FBXO40: variants seen among roughly 807,000 people sequenced by gnomAD.
FBXO40 encodes F-box protein 40, also known as F-box only protein 40.
In FBXO40, 50 loss-of-function variants were observed where a neutral mutation model predicts 49.9. The observed-to-expected ratio is 1.00, with a 90% CI of 0.80 to 1.27. The LOEUF (loss-of-function observed/expected upper bound fraction) is 1.27. Ranked by LOEUF, FBXO40 falls within the 50% of genes most tolerant of loss-of-function variation. The pLI is 0.00. For synonymous variants in FBXO40, 340 were observed against 320.2 expected (o/e 1.06, Z -0.66); for missense variants, 895 against 870.1 (o/e 1.03, Z -0.36).
At chr3:121,595,446 G>T (rs1279893312) in intron 1 of FBXO40, among the ~76,000 whole-genome samples, 1 of 152,176 alleles carries the variant, frequency 6.6e-6, no homozygotes, top group African/African-American at 2.4e-5. Flanking sequence ...CAATGCAACT[G>T]TAATTTAATA....
rs993430489 is a variant in FBXO40 at position 121,627,249 on chromosome 3, G to A, written c.*339G>A. The A allele has an allele frequency of 3.7e-5, 12 of 322,266 alleles. No homozygotes were observed. The highest frequency in any genetic ancestry group is 7.5e-5 in the East Asian group (1 of 13,378). 20.0% of individuals were successfully genotyped at this position (322,266 alleles called of 1,614,324 possible). ...AATTTCTTAAGTGATGAGAGAGCAC[G>A]AAATTCCATAACCAGTACAGGCCTG... On this transcript the variant is annotated 3_prime_UTR_variant, in exon 4 of 4. Transcript: ENST00000338040.
intron 1 of FBXO40, among the ~76,000 whole-genome samples, chr3:121,616,094 C>G (rs143632766): frequency 0.014 from 2,108 of 152,288 alleles, 24 homozygotes; most frequent in Non-Finnish European, 0.022. Context: ...CTCAGCCACC[C>G]TGCTCTGTTC....
chr3:121,620,241 G>A (rs1204804091), intron 1 of FBXO40, among the ~76,000 whole-genome samples: 1 of 152,196 alleles, frequency 6.6e-6, no homozygotes, highest in East Asian at 1.9e-4. Context: ...GTTATAGGAA[G>A]CAGAAGTTAA....
chr3:121,596,236 C>A (rs1337907997), intron 1 of FBXO40, among the ~76,000 whole-genome samples: 1 of 152,190 alleles, frequency 6.6e-6, no homozygotes, highest in Non-Finnish European at 1.5e-5. Flanking sequence ...CATGCCTTGG[C>A]TGTCACCACT....
intron 1 of FBXO40, among the ~76,000 whole-genome samples, chr3:121,597,222 CAA>C (rs2048877119): frequency 1.3e-5 from 2 of 152,004 alleles, no homozygotes; most frequent in South Asian, 2.1e-4. Flanking sequence ...TGCAGATGAG[CAA>C]AAAAATTTAC....
intron 1 of FBXO40, among the ~76,000 whole-genome samples, chr3:121,619,310 A>G (rs538697663): frequency 3.3e-5 from 5 of 152,174 alleles, no homozygotes; most frequent in Non-Finnish European, 7.4e-5. Flanking sequence ...CGCCTGGCCA[A>G]ATTTTAAACT....
In FBXO40 at chr3:121,627,091, G is replaced by A. The variant is rs1277674362; in HGVS notation, c.*181G>A. The A allele has an allele frequency of 1.7e-6, 1 of 600,602 alleles. No homozygotes were observed. The highest frequency in any genetic ancestry group is 1.9e-5 in the African/African-American group (1 of 53,868). 37.2% of individuals were successfully genotyped at this position (600,602 alleles called of 1,614,324 possible). A position where few individuals can be genotyped will look rare whatever the true frequency, so the allele number is the denominator to read the frequency against. On this transcript the variant is annotated 3_prime_UTR_variant, in exon 4 of 4. Coordinates refer to ENST00000338040, the MANE Select transcript of FBXO40 (RefSeq NM_016298.4). ...GAGGCCTAAGAATTTCCTAAGCCAT[G>A]TCTTGTACCATAGTGCCACATTGAT...
Position 121,621,807 on chromosome 3 carries a change from C to T in FBXO40, c.378C>T (p.Asp126=). Reference sequence around the variant, plus strand: ...AGACCCCCAGTGAGGAGTGTTTGGACACAGCCCTGGCCCTGCAGGATCAGA... The same window carrying T: ...AGACCCCCAGTGAGGAGTGTTTGGATACAGCCCTGGCCCTGCAGGATCAGA... ...MKETPSEECL[D]TALALQDQKV... Residue 126 remains aspartate (D), a synonymous_variant, in exon 3 of 4, where the codon GAC becomes GAT. Coordinates refer to ENST00000338040, the MANE Select transcript of FBXO40 (RefSeq NM_016298.4). 6 of 1,614,200 alleles carry T rather than the reference C, an allele frequency of 3.7e-6. No homozygotes were observed. The highest frequency in any genetic ancestry group is 5.1e-6 in the Non-Finnish European group (6 of 1,180,030).
rs370071773 is a variant in FBXO40 at position 121,610,856 on chromosome 3, G to T, written c.-30-9690G>T. On this transcript the variant is annotated intron_variant, in intron 1 of 3. Coordinates refer to ENST00000338040, the MANE Select transcript of FBXO40 (RefSeq NM_016298.4). Reference sequence around the variant, plus strand: ...GGGTTTCACCACATTGTCCAGGCTGGTCTCAAACTCCTGACCTCAAGTGAT... The same window carrying T: ...GGGTTTCACCACATTGTCCAGGCTGTTCTCAAACTCCTGACCTCAAGTGAT... 2.6e-5 allele frequency among the ~76,000 whole-genome samples: 4 copies of T among 152,204 alleles called. No homozygotes were observed. In the East Asian group the frequency reaches 7.7e-4, roughly 29 times the overall value.
chr3:121,612,789 G>T (rs2048974134), intron 1 of FBXO40, among the ~76,000 whole-genome samples: 1 of 152,060 alleles, frequency 6.6e-6, no homozygotes, highest in South Asian at 2.1e-4. Context: ...AAATTTCTCA[G>T]CCGGGCGCGG....
intron 1 of FBXO40, among the ~76,000 whole-genome samples, chr3:121,603,165 A>C (rs971443879): frequency 2.6e-5 from 4 of 152,202 alleles, no homozygotes; most frequent in Non-Finnish European, 5.9e-5. Flanking sequence ...TTTTACCCTG[A>C]TGTCTTAATT....
At chr3:121,605,900 A>C (rs906346812) in intron 1 of FBXO40, among the ~76,000 whole-genome samples, 1 of 152,234 alleles carries the variant, frequency 6.6e-6, no homozygotes, top group African/African-American at 2.4e-5. Context: ...GAGAAGGGCA[A>C]TAGCTCACAA....
chr3:121,616,756 A>G (rs1272731766), intron 1 of FBXO40, among the ~76,000 whole-genome samples: 2 of 152,248 alleles, frequency 1.3e-5, no homozygotes, highest in Non-Finnish European at 2.9e-5. Flanking sequence ...GAACCAGACT[A>G]TAATTTCCTT....
chr3:121,600,708 G>A (rs954249009), intron 1 of FBXO40, among the ~76,000 whole-genome samples: 1 of 152,202 alleles, frequency 6.6e-6, no homozygotes, highest in African/African-American at 2.4e-5. Flanking sequence ...ACAGGCCTAG[G>A]CCTCTTTGTG....
At chr3:121,603,663 T>C (rs920970670) in intron 1 of FBXO40, among the ~76,000 whole-genome samples, 7 of 152,212 alleles carry the variant, frequency 4.6e-5, no homozygotes, top group African/African-American at 9.6e-5. Flanking sequence ...GGTGCCTCAC[T>C]ATTCACTGAA....
At chr3:121,612,986 C>A (rs1289116973) in intron 1 of FBXO40, among the ~76,000 whole-genome samples, 3 of 150,220 alleles carry the variant, frequency 2.0e-5, no homozygotes, top group African/African-American at 7.3e-5. Flanking sequence ...GGGAGAATGG[C>A]GAGAACCCGG....
At chr3:121,617,025 A>G (rs1226915810) in intron 1 of FBXO40, among the ~76,000 whole-genome samples, 1 of 152,184 alleles carries the variant, frequency 6.6e-6, no homozygotes, top group Non-Finnish European at 1.5e-5. Flanking sequence ...AGGGGATAGT[A>G]GGAGAGGGAA....
intron 1 of FBXO40, among the ~76,000 whole-genome samples, chr3:121,611,430 G>A (rs973513705): frequency 1.3e-5 from 2 of 152,174 alleles, no homozygotes; most frequent in African/African-American, 2.4e-5. Flanking sequence ...GGATGTGCAC[G>A]TAGGCCAGAT....
rs1028598843 is a variant in FBXO40, at chr3:121,622,255, C to T, written c.826C>T (p.Gln276Ter). The T allele has an allele frequency of 6.2e-7, 1 of 1,614,178 alleles. No homozygotes were observed. Among genetic ancestry groups the T allele is most frequent in the East Asian group, 2.2e-5 (1 of 44,882 alleles). Residue 276 changes from glutamine (Q) to a stop codon, truncating the protein, a stop_gained, in exon 3 of 4, where the codon CAG becomes TAG. Transcript: ENST00000338040. LOFTEE classifies it high-confidence loss of function. Reference sequence around the variant, plus strand: ...AGAACCACAGGAAAATCAGAAGCAGCAGGACGTTCGTACAGCCATGGAAAC... The same window carrying T: ...AGAACCACAGGAAAATCAGAAGCAGTAGGACGTTCGTACAGCCATGGAAAC... ...KKEPQENQKQ[Q>*]DVRTAMETTG... is the part of the protein sequence containing the mutation.
Sources: gnomAD v4.1 joint callset for allele counts (sites outside exome capture counted in the v4.1 genomes callset) on GRCh38, gnomAD v4.1.1 for gene constraint, MANE v1.5 for transcripts, NCBI Gene and HGNC (gene_info 2026-07-23, HGNC 2026-07-21) for gene names.